Variants in AP3S2 observed in about 807,000 individuals in gnomAD.
The protein encoded by AP3S2 is AP-3 complex subunit sigma-2.
A neutral mutation model predicts 23.4 loss-of-function variants in AP3S2; 22 were observed. The observed-to-expected ratio is 0.94, with a 90% CI of 0.67 to 1.34. The LOEUF is 1.34. Ranked by LOEUF, AP3S2 falls within the 40% of genes most tolerant of loss-of-function variation. AP3S2 has a pLI of 0.00. For synonymous variants in AP3S2, 86 were observed against 87.1 expected, an observed-to-expected ratio of 0.99 and a Z score of 0.07; for missense variants, 241 against 236.9, an observed-to-expected ratio of 1.02 and a Z score of -0.11.
chr15:89,878,711 GCT>G (rs1896499858), intron 3 of AP3S2, among the ~76,000 whole-genome samples: 1 of 151,860 alleles, frequency 6.6e-6, no homozygotes, highest in Non-Finnish European at 1.5e-5. Context: ...ACAGATGCAT[GCT>G]ACCACCCGAG....
At chr15:89,877,282 G>C in intron 3 of AP3S2, 1 of 1,301,770 alleles carries the variant, frequency 7.7e-7, no homozygotes, top group South Asian at 1.2e-5. Context: ...GTGAGAAATG[G>C]ATGCAGTTTG....
chr15:89,859,387 T>TTTTC lies in AP3S2; in HGVS notation c.345+12084_345+12087dup, dbSNP rs1052027034. 1.0e-3 allele frequency among the ~76,000 whole-genome samples: 77 copies of TTTTC among 73,568 alleles called. 2 individuals are homozygous for TTTTC. The highest frequency in any genetic ancestry group is 3.5e-3 in the African/African-American group (67 of 19,410). The allele number at this position is 73,568 out of a possible 152,430, so 48.3% of individuals were successfully genotyped here. A position where few individuals can be genotyped will look rare whatever the true frequency, so the allele number is the denominator to read the frequency against. ...TTTCCTTCCTTCCTTCCTTCCTTCC[T>TTTTC]TTTCTTTCTTTCTTTTTTTTTTTTG... On this transcript the variant is annotated intron_variant, in intron 4 of 5. Coordinates refer to ENST00000336418, the MANE Select transcript of AP3S2 (RefSeq NM_005829.5).
At chr15:89,867,150 G>A (rs1228091027) in intron 4 of AP3S2, among the ~76,000 whole-genome samples, 197 of 149,776 alleles carry the variant, frequency 1.3e-3, no homozygotes, top group African/African-American at 4.6e-3. Flanking sequence ...AGCCTGCCGA[G>A]TGCCTGCGAT....
At chr15:89,892,376 AAT>A (rs1216024388) in intron 1 of AP3S2, among the ~76,000 whole-genome samples, 4 of 152,132 alleles carry the variant, frequency 2.6e-5, no homozygotes, top group Non-Finnish European at 5.9e-5. Flanking sequence ...GTCCCCTTTA[AAT>A]AAGTAAACTG....
At chr15:89,893,685 G>A in intron 1 of AP3S2, 196 bp downstream of exon 1, 1 of 562,270 alleles carries the variant, frequency 1.8e-6, no homozygotes, top group Non-Finnish European at 3.1e-6. Context: ...CAGCGAGAGC[G>A]GGGCAGTAGG....
At chr15:89,886,966 T>C (rs1026707785) in intron 3 of AP3S2, among the ~76,000 whole-genome samples, 1 of 152,160 alleles carries the variant, frequency 6.6e-6, no homozygotes, top group African/African-American at 2.4e-5. Context: ...AGCTAATTTT[T>C]TGTATTTTTA....
intron 5 of AP3S2, among the ~76,000 whole-genome samples, chr15:89,837,254 C>T (rs1014236823): frequency 6.6e-6 from 1 of 152,164 alleles, no homozygotes; most frequent in Non-Finnish European, 1.5e-5. Context: ...TAGGAAACCA[C>T]ACTGGACTAG....
At chr15:89,884,371 A>G (rs773139140) in intron 3 of AP3S2, among the ~76,000 whole-genome samples, 2 of 152,142 alleles carry the variant, frequency 1.3e-5, no homozygotes, top group Non-Finnish European at 2.9e-5. Flanking sequence ...TGCTAAAGAA[A>G]TAATTTTAGG....
intron 4 of AP3S2, among the ~76,000 whole-genome samples, chr15:89,869,240 G>A (rs1257388728): frequency 1.4e-5 from 2 of 147,424 alleles, no homozygotes; most frequent in East Asian, 3.9e-4. Context: ...AAATTCTTCT[G>A]CCTTGGGATC....
chr15:89,841,206 C>CA (rs1202678565), intron 4 of AP3S2, among the ~76,000 whole-genome samples: 1 of 152,170 alleles, frequency 6.6e-6, no homozygotes. Context: ...TCTTATTTAA[C>CA]ACTGCATCAT....
In AP3S2 at chr15:89,884,468, C is replaced by G. The variant is rs549392051; in HGVS notation, c.273+4053G>C. Among the ~76,000 whole-genome samples, 7 of 151,676 alleles carry G rather than the reference C, an allele frequency of 4.6e-5. No homozygotes were observed. In the South Asian group the frequency reaches 6.3e-4, roughly 14 times the overall value. ...GACAAAATGCAAAACAAACAAAAAC[C>G]CTTAAGGCCAATAAAGCCTAGATGA... On this transcript the variant is annotated intron_variant, in intron 3 of 5. Transcript: ENST00000336418.
chr15:89,835,164 G>A lies in AP3S2; in HGVS notation c.*351C>T, dbSNP rs1031279652. Reference sequence around the variant, plus strand: ...AGTGAGGAGGTTCTGGGAAGCAGGTGGGCCTGCTCAATGCAGTCCCTAACC... The same window carrying A: ...AGTGAGGAGGTTCTGGGAAGCAGGTAGGCCTGCTCAATGCAGTCCCTAACC... On this transcript the variant is annotated 3_prime_UTR_variant, in exon 6 of 6. Transcript: ENST00000336418. 1 of 335,914 alleles carries A rather than the reference G, an allele frequency of 3.0e-6. No homozygotes were observed. Among genetic ancestry groups the A allele is most frequent in the African/African-American group, 2.1e-5 (1 of 47,374 alleles). 20.8% of individuals were successfully genotyped at this position (335,914 alleles called of 1,614,324 possible).
At chr15:89,856,149 A>G (rs1446484371) in intron 4 of AP3S2, among the ~76,000 whole-genome samples, 3 of 152,146 alleles carry the variant, frequency 2.0e-5, no homozygotes, top group Non-Finnish European at 4.4e-5. Flanking sequence ...TCCTGAGTGC[A>G]CCCAGAGGTT....
chr15:89,878,341 T>C (rs1182516592), intron 3 of AP3S2: 3 of 616,466 alleles, frequency 4.9e-6, no homozygotes, highest in Non-Finnish European at 5.7e-6. Context: ...GAGAAAATAT[T>C]TGCAATAAAT....
At chr15:89,884,722 A>G (rs572813952) in intron 3 of AP3S2, among the ~76,000 whole-genome samples, 186 of 150,324 alleles carry the variant, frequency 1.2e-3, no homozygotes, top group African/African-American at 4.5e-3. Flanking sequence ...ATCTCGGCTC[A>G]CTGCAACCTC....
chr15:89,846,249 A>T (rs1462794030), intron 4 of AP3S2, among the ~76,000 whole-genome samples: 1 of 152,218 alleles, frequency 6.6e-6, no homozygotes, highest in Non-Finnish European at 1.5e-5. Context: ...GAAAATAGTC[A>T]AGAGTAGGAA....
intron 3 of AP3S2, among the ~76,000 whole-genome samples, chr15:89,883,121 A>AT (rs1300831494): frequency 6.6e-6 from 1 of 152,174 alleles, no homozygotes; most frequent in African/African-American, 2.4e-5. Flanking sequence ...ACTATCCTTT[A>AT]TTATTACTGT....
intron 5 of AP3S2, among the ~76,000 whole-genome samples, chr15:89,836,618 G>A (rs1895198334): frequency 1.3e-5 from 2 of 152,148 alleles, no homozygotes; most frequent in East Asian, 1.9e-4. Context: ...CCACGTGGAG[G>A]GAACGGCAAA....
chr15:89,868,118 G>A lies in AP3S2; in HGVS notation c.345+3357C>T, dbSNP rs1276754445. On this transcript the variant is annotated intron_variant, in intron 4 of 5. Transcript: ENST00000336418. ...CCACCCCGTCCGGGAGGGAGATGGG[G>A]GGGTCAGCCCCCCCACCCGGCCAGC... Among the ~76,000 whole-genome samples, 311 of 101,640 alleles carry A rather than the reference G, an allele frequency of 3.1e-3. 1 individual carries two copies. Among genetic ancestry groups the A allele is most frequent in the African/African-American group, 3.7e-3 (99 of 26,868 alleles). 66.7% of individuals were successfully genotyped at this position (101,640 alleles called of 152,430 possible).
Sources: gnomAD v4.1 joint callset for allele counts (sites outside exome capture counted in the v4.1 genomes callset) on GRCh38, gnomAD v4.1.1 for gene constraint, MANE v1.5 for transcripts, NCBI Gene and HGNC (gene_info 2026-07-23, HGNC 2026-07-21) for gene names.